The following CSNK1G1 variants were observed in gnomAD, a reference collection of about 807,000 sequenced individuals.
CSNK1G1 encodes casein kinase 1 gamma 1, also known as casein kinase I isoform gamma-1.
A neutral mutation model predicts 59.6 loss-of-function variants in CSNK1G1; 22 were observed. That is an observed-to-expected ratio of 0.37 (90% CI 0.26 to 0.53). The LOEUF is 0.53. Among genes scored for constraint, CSNK1G1 ranks in the 20% least tolerant of loss-of-function variants. The probability of loss-of-function intolerance (pLI) is 0.89; values close to 1 mark genes in which losing one functional copy is unlikely to be tolerated. For missense variants in CSNK1G1, 384 were observed against 519.5 expected (o/e 0.74, Z 2.54); for synonymous variants, 179 against 177.1 (o/e 1.01, Z -0.08).
chr15:64,225,590 C>A (rs1370384485), intron 4 of CSNK1G1, among the ~76,000 whole-genome samples: 2 of 152,172 alleles, frequency 1.3e-5, no homozygotes, highest in Admixed American at 1.3e-4. Context: ...CATAACCTAT[C>A]AGAAGCCCCT....
intron 10 of CSNK1G1, among the ~76,000 whole-genome samples, chr15:64,190,677 G>C (rs1270599646): frequency 6.6e-6 from 1 of 152,182 alleles, no homozygotes; most frequent in Non-Finnish European, 1.5e-5. Context: ...GCCTCCCAAA[G>C]TGCTGGAATT....
In CSNK1G1 at chr15:64,200,116, G is replaced by T. The variant is rs2082089150; in HGVS notation, c.1107+2966C>A. Among the ~76,000 whole-genome samples the T allele has an allele frequency of 6.6e-6, 1 of 151,588 alleles. No individual in the cohort carries two copies. The highest frequency in any genetic ancestry group is 2.1e-4 in the South Asian group (1 of 4,796). On this transcript the variant is annotated intron_variant, in intron 10 of 11. Coordinates refer to ENST00000303052, the MANE Select transcript of CSNK1G1 (RefSeq NM_022048.5). This position sits in a 1 kb window ranked among gnomAD's most constrained non-coding sequence, Gnocchi z 4.3. ...AAAAATTAGCCCGGTGTGGTGGCAG[G>T]CACCTGTAATCCCAGCTTCTCAGGA...
At chr15:64,287,516 T>C (rs1346649609) in intron 2 of CSNK1G1, among the ~76,000 whole-genome samples, 1 of 152,200 alleles carries the variant, frequency 6.6e-6, no homozygotes, top group Admixed American at 6.5e-5. Flanking sequence ...TAATGCTGAA[T>C]CTTGATTCTG....
chr15:64,299,949 T>C (rs553530414), intron 2 of CSNK1G1, among the ~76,000 whole-genome samples: 1 of 152,292 alleles, frequency 6.6e-6, no homozygotes, highest in African/African-American at 2.4e-5. Context: ...CCTTATGTCC[T>C]TCTTAAAAGA....
intron 4 of CSNK1G1, among the ~76,000 whole-genome samples, chr15:64,248,492 C>T (rs1485551330): frequency 1.3e-5 from 2 of 152,086 alleles, no homozygotes; most frequent in African/African-American, 2.4e-5. Context: ...CCTTAAGATA[C>T]GCTTGAGATA....
chr15:64,244,231 C>T (rs1260677470), intron 4 of CSNK1G1, among the ~76,000 whole-genome samples: 1 of 151,484 alleles, frequency 6.6e-6, no homozygotes, highest in Admixed American at 6.6e-5. Context: ...CAATAACAAA[C>T]TAGTGGAAAA....
At chr15:64,224,303 C>CA (rs2082428333) in intron 4 of CSNK1G1, among the ~76,000 whole-genome samples, 1 of 151,844 alleles carries the variant, frequency 6.6e-6, no homozygotes, top group African/African-American at 2.4e-5. Flanking sequence ...AGGGATCAGG[C>CA]AATTATTATT....
intron 2 of CSNK1G1, among the ~76,000 whole-genome samples, chr15:64,270,269 C>A (rs1376593384): frequency 6.6e-6 from 1 of 151,516 alleles, no homozygotes; most frequent in East Asian, 1.9e-4. Flanking sequence ...ATTTGTTGAT[C>A]TTTTGAATGG....
chr15:64,329,003 G>A lies in CSNK1G1; in HGVS notation c.-225+26985C>T, dbSNP rs1896986887. Among the ~76,000 whole-genome samples the A allele has an allele frequency of 2.7e-5, 4 of 146,396 alleles. No individual in the cohort carries two copies. The South Asian group carries it at 9.1e-4, about 33-fold the overall frequency. On this transcript the variant is annotated intron_variant, in intron 1 of 11. Transcript: ENST00000303052. ...CCTAAATATATATGCACCCAATACA[G>A]GAGCACCCAGATTCATAAAGCAAGT...
chr15:64,245,369 TAATA>T (rs1339174826), intron 4 of CSNK1G1, among the ~76,000 whole-genome samples: 2 of 152,172 alleles, frequency 1.3e-5, no homozygotes, highest in African/African-American at 4.8e-5. Flanking sequence ...AGGGATTAAT[TAATA>T]GCCAGGATAT....
chr15:64,277,664 G>A (rs113921374), intron 2 of CSNK1G1, among the ~76,000 whole-genome samples: 1,562 of 115,544 alleles, frequency 0.014, 14 homozygotes, highest in African/African-American at 0.017. Context: ...TAGCAATATT[G>A]ATATATTTAA....
intron 10 of CSNK1G1, chr15:64,195,148 G>GA (rs1567366476): frequency 1.3e-5 from 2 of 152,052 alleles, no homozygotes; most frequent in Non-Finnish European, 2.9e-5. Flanking sequence ...TTCACATGGC[G>GA]AATGAAAACA....
chr15:64,177,435 T>C (rs2081754455), intron 11 of CSNK1G1, among the ~76,000 whole-genome samples: 1 of 152,156 alleles, frequency 6.6e-6, no homozygotes, highest in Non-Finnish European at 1.5e-5. Flanking sequence ...AAATAACACA[T>C]GGCTGGGCCC....
At chr15:64,311,650 T>C (rs930042053) in intron 1 of CSNK1G1, among the ~76,000 whole-genome samples, 5 of 129,618 alleles carry the variant, frequency 3.9e-5, no homozygotes, top group African/African-American at 1.5e-4. Flanking sequence ...GACAACATAG[T>C]GAGAGCCAGT....
intron 1 of CSNK1G1, among the ~76,000 whole-genome samples, chr15:64,316,119 T>C (rs1159075243): frequency 6.6e-6 from 1 of 152,172 alleles, no homozygotes; most frequent in Non-Finnish European, 1.5e-5. Context: ...CTTGAACTCC[T>C]GGCCTTTAGC....
intron 1 of CSNK1G1, among the ~76,000 whole-genome samples, chr15:64,305,116 C>A (rs1165994082): frequency 6.6e-6 from 1 of 152,132 alleles, no homozygotes; most frequent in East Asian, 1.9e-4. Context: ...AACACCCCAA[C>A]AAATTTCCCC....
chr15:64,287,031 A>T (rs1894464186), intron 2 of CSNK1G1, among the ~76,000 whole-genome samples: 1 of 152,136 alleles, frequency 6.6e-6, no homozygotes, highest in South Asian at 2.1e-4. Context: ...ATAATTAGAC[A>T]TTTATTCTGA....
At chr15:64,276,814 G>C (rs1893645237) in intron 2 of CSNK1G1, among the ~76,000 whole-genome samples, 1 of 151,848 alleles carries the variant, frequency 6.6e-6, no homozygotes, top group African/African-American at 2.4e-5. Flanking sequence ...GGTGGTAGTG[G>C]CGGGCACCTG....
At chr15:64,263,292 G>C (rs983475544) in intron 2 of CSNK1G1, among the ~76,000 whole-genome samples, 2 of 151,676 alleles carry the variant, frequency 1.3e-5, no homozygotes, top group East Asian at 4.0e-4. Context: ...TGGTTCAAGC[G>C]ATTCTCCTGC....
Sources: allele counts gnomAD v4.1 joint callset (sites outside exome capture counted in the v4.1 genomes callset), GRCh38; gene constraint gnomAD v4.1.1; non-coding constraint Gnocchi (gnomAD v3.1); transcripts MANE v1.5; gene names NCBI Gene and HGNC (gene_info 2026-07-23, HGNC 2026-07-21).